Variants in GALNT17 observed in about 807,000 individuals in gnomAD.
GALNT17 encodes polypeptide N-acetylgalactosaminyltransferase 17, also known as UDP-GalNAc:polypeptide N-acetylgalactosaminyltransferase-like 3.
Under a neutral mutation model 63.7 loss-of-function variants are expected in GALNT17, and 29 were observed. That is an observed-to-expected ratio of 0.46 (90% confidence interval 0.34 to 0.62). GALNT17 has a LOEUF of 0.62. Among genes scored for constraint, GALNT17 ranks in the 20% least tolerant of loss-of-function variants. GALNT17 has a pLI of 0.01. For synonymous variants in GALNT17, 305 were observed against 318.3 expected (o/e 0.96, Z 0.45); for missense variants, 603 against 799.6 (o/e 0.75, Z 2.97).
intron 1 of GALNT17, among the ~76,000 whole-genome samples, chr7:71,247,638 G>A (rs1485402642): frequency 6.6e-6 from 1 of 152,004 alleles, no homozygotes; most frequent in Non-Finnish European, 1.5e-5. Flanking sequence ...TGTATTTTTA[G>A]TAGAGATGGG....
intron 5 of GALNT17, among the ~76,000 whole-genome samples, chr7:71,474,570 A>G (rs1297684927): frequency 6.6e-6 from 1 of 152,208 alleles, no homozygotes; most frequent in Non-Finnish European, 1.5e-5. Context: ...TATTTTATTC[A>G]ACTTATTAAT....
chr7:71,451,637 T>C (rs369624398), intron 5 of GALNT17, among the ~76,000 whole-genome samples: 1 of 152,244 alleles, frequency 6.6e-6, no homozygotes, highest in African/African-American at 2.4e-5. Context: ...GAAATCTCAG[T>C]TCATTTATTT....
chr7:71,496,218 C>G (rs1788091596), intron 5 of GALNT17, among the ~76,000 whole-genome samples: 1 of 151,994 alleles, frequency 6.6e-6, no homozygotes, highest in South Asian at 2.1e-4. Flanking sequence ...TGTGAAGGAC[C>G]CTGCAGTGGG....
At chr7:71,156,488 T>C (rs75629514) in intron 1 of GALNT17, among the ~76,000 whole-genome samples, 5,776 of 151,780 alleles carry the variant, frequency 0.038, 466 homozygotes, top group African/African-American at 0.13. Context: ...GCCCTGCCTT[T>C]CCTTTCCCTT....
chr7:71,405,153 A>G (rs73362014), intron 3 of GALNT17, among the ~76,000 whole-genome samples: 6,854 of 152,278 alleles, frequency 0.045, 552 homozygotes, highest in African/African-American at 0.16. Flanking sequence ...CTCTCAGGAC[A>G]AGCCCAGGCC....
At chr7:71,298,375 CA>C in intron 1 of GALNT17, among the ~76,000 whole-genome samples, 1 of 7,152 alleles carries the variant, frequency 1.4e-4, no homozygotes, top group South Asian at 0.011. Context: ...GTACTTTTTG[CA>C]AAAACAATCA....
At chr7:71,422,074 G>A (rs1786675870) in intron 5 of GALNT17, among the ~76,000 whole-genome samples, 1 of 152,074 alleles carries the variant, frequency 6.6e-6, no homozygotes, top group Admixed American at 6.6e-5. Flanking sequence ...ACAGATTGAT[G>A]CTGCTACAGT....
intron 1 of GALNT17, among the ~76,000 whole-genome samples, chr7:71,239,295 A>C (rs370231047): frequency 2.9e-5 from 4 of 137,192 alleles, no homozygotes; most frequent in Admixed American, 7.2e-5. Context: ...CCCTGTCTGT[A>C]CCCCCCCCCA....
At chr7:71,597,516 TAATA>T (rs34346162) in intron 6 of GALNT17, among the ~76,000 whole-genome samples, 44 of 149,850 alleles carry the variant, frequency 2.9e-4, no homozygotes, top group African/African-American at 5.6e-4. Context: ...CTTAAAAGAG[TAATA>T]AATAAATAAA....
At chr7:71,226,625 A>G (rs1320330052) in intron 1 of GALNT17, among the ~76,000 whole-genome samples, 1 of 152,052 alleles carries the variant, frequency 6.6e-6, no homozygotes, top group Non-Finnish European at 1.5e-5. Context: ...GATTACAGGT[A>G]TGCACCACCA....
At chr7:71,397,606 G>A (rs544844962) in intron 3 of GALNT17, among the ~76,000 whole-genome samples, 2 of 152,286 alleles carry the variant, frequency 1.3e-5, no homozygotes, top group Non-Finnish European at 2.9e-5. Flanking sequence ...GACAACTCTC[G>A]CTGCATCTAT....
At chr7:71,472,164 CT>C (rs1370968562) in intron 5 of GALNT17, among the ~76,000 whole-genome samples, 1 of 152,032 alleles carries the variant, frequency 6.6e-6, no homozygotes, top group Non-Finnish European at 1.5e-5. Flanking sequence ...AGAGAGCTCT[CT>C]AGGGTCCCTT....
intron 1 of GALNT17, among the ~76,000 whole-genome samples, chr7:71,285,966 A>ATTT (rs1211396216): frequency 3.9e-5 from 6 of 152,236 alleles, no homozygotes; most frequent in African/African-American, 1.4e-4. Context: ...GGAAACCATC[A>ATTT]TAAACACATC....
intron 1 of GALNT17, among the ~76,000 whole-genome samples, chr7:71,255,575 G>C (rs1243930315): frequency 1.1e-4 from 17 of 152,224 alleles, no homozygotes; most frequent in Admixed American, 1.1e-3. Flanking sequence ...AGTTTACTGG[G>C]ACGGTAGTGC....
At chr7:71,356,758 CAT>C (rs1295840429) in intron 2 of GALNT17, among the ~76,000 whole-genome samples, 1 of 152,120 alleles carries the variant, frequency 6.6e-6, no homozygotes, top group Non-Finnish European at 1.5e-5. Context: ...ATATCCAAAA[CAT>C]AGCATATAAA....
chr7:71,584,447 A>G (rs981954070), intron 6 of GALNT17, among the ~76,000 whole-genome samples: 4 of 152,162 alleles, frequency 2.6e-5, no homozygotes, highest in Non-Finnish European at 5.9e-5. Context: ...TTTTTCAGTT[A>G]CTGCTCATTG....
intron 1 of GALNT17, among the ~76,000 whole-genome samples, chr7:71,148,860 T>TTATATATATATATATATATATATA (rs59163644): frequency 1.2e-4 from 12 of 103,264 alleles, no homozygotes; most frequent in Admixed American, 3.2e-4. Context: ...TATGGTATTT[T>TTATATATATATATATATATATATA]TATATATATA....
intron 1 of GALNT17, among the ~76,000 whole-genome samples, chr7:71,213,984 C>G (rs957282685): frequency 3.9e-5 from 6 of 152,188 alleles, no homozygotes; most frequent in African/African-American, 1.4e-4. Flanking sequence ...AATTTGGATC[C>G]TCTTCGTGGA....
intron 1 of GALNT17, among the ~76,000 whole-genome samples, chr7:71,234,772 A>C (rs1789855862): frequency 6.6e-6 from 1 of 152,162 alleles, no homozygotes; most frequent in African/African-American, 2.4e-5. Context: ...CCACTGTTCA[A>C]GCAGGTTTCC....
Sources: gnomAD v4.1 joint callset for allele counts (sites outside exome capture counted in the v4.1 genomes callset) on GRCh38, gnomAD v4.1.1 for gene constraint, MANE v1.5 for transcripts, NCBI Gene and HGNC (gene_info 2026-07-23, HGNC 2026-07-21) for gene names.